Variants in NRXN3 observed in about 807,000 individuals in gnomAD.
NRXN3 encodes neurexin III.
Under a neutral mutation model 137.6 loss-of-function variants are expected in NRXN3, and 32 were observed. That is an observed-to-expected ratio of 0.23 (90% CI 0.18 to 0.31). The LOEUF is 0.31. Ranked by LOEUF, NRXN3 falls within the 10% of genes least tolerant of loss-of-function variation. NRXN3 has a pLI of 1.00. For synonymous variants in NRXN3, 798 were observed against 784.5 expected (o/e 1.02, Z -0.29); for missense variants, 1,574 against 2,062.5 (o/e 0.76, Z 4.59).
intron 10 of NRXN3, among the ~76,000 whole-genome samples, chr14:78,951,541 G>A (rs2099387108): frequency 7.2e-5 from 11 of 151,992 alleles, no homozygotes; most frequent in Admixed American, 7.2e-4. Context: ...ACCCCCAACT[G>A]CTTTTCATCG....
intron 4 of NRXN3, among the ~76,000 whole-genome samples, chr14:78,503,859 C>T (rs4903774): frequency 0.31 from 47,277 of 152,026 alleles, 8,585 homozygotes; most frequent in Admixed American, 0.39. Context: ...TCCCCTTTCA[C>T]TTGAAAGTGA....
At chr14:78,217,741 A>G in intron 1 of NRXN3, among the ~76,000 whole-genome samples, 1 of 152,194 alleles carries the variant, frequency 6.6e-6, no homozygotes, top group East Asian at 1.9e-4. Context: ...GGCTCACTGC[A>G]AACTCCACCT....
intron 16 of NRXN3, among the ~76,000 whole-genome samples, chr14:79,629,816 TGTGTGTGTGC>T (rs1567714159): frequency 1.3e-5 from 1 of 76,814 alleles, no homozygotes; most frequent in Non-Finnish European, 2.4e-5. Context: ...TGTATGTGCG[TGTGTGTGTGC>T]GTGTGTGTGT....
At chr14:78,508,963 C>T (rs1251885877) in intron 4 of NRXN3, among the ~76,000 whole-genome samples, 1 of 152,126 alleles carries the variant, frequency 6.6e-6, no homozygotes, top group African/African-American at 2.4e-5. Flanking sequence ...GAATATTACT[C>T]TGTTATAGTC....
chr14:79,687,196 T>A (rs2098698800), intron 17 of NRXN3, among the ~76,000 whole-genome samples: 1 of 152,232 alleles, frequency 6.6e-6, no homozygotes, highest in African/African-American at 2.4e-5. Flanking sequence ...ACTTTATAAA[T>A]ACAAGATATT....
At chr14:79,180,126 T>G (rs929365448) in intron 15 of NRXN3, among the ~76,000 whole-genome samples, 1 of 152,212 alleles carries the variant, frequency 6.6e-6, no homozygotes, top group Non-Finnish European at 1.5e-5. Context: ...TGGGTTTTCT[T>G]TCAGGCTCAA....
Position 79,369,217 on chromosome 14 carries a change from G to A in NRXN3, c.3263-98004G>A, listed in dbSNP as rs149873727. On this transcript the variant is annotated intron_variant, in intron 15 of 20. Coordinates refer to ENST00000335750, the MANE Select transcript of NRXN3 (RefSeq NM_001330195.2). ...ATGGAACAAGCCTGGAGGCAAGGACGGGCCAGTCAGGAACAGGTGGGCTTA... is the reference window on the plus strand; with the variant it reads ...ATGGAACAAGCCTGGAGGCAAGGACAGGCCAGTCAGGAACAGGTGGGCTTA... Among the ~76,000 whole-genome samples the A allele has an allele frequency of 1.9e-3, 285 of 152,258 alleles. 1 individual carries two copies. Among genetic ancestry groups the A allele is most frequent in the African/African-American group, 6.6e-3 (275 of 41,540 alleles).
At chr14:78,685,358 A>G (rs532427077) in intron 6 of NRXN3, among the ~76,000 whole-genome samples, 4 of 152,120 alleles carry the variant, frequency 2.6e-5, no homozygotes, top group African/African-American at 7.2e-5. Flanking sequence ...GTGGCTTTCC[A>G]TCTTGCTCAG....
intron 4 of NRXN3, among the ~76,000 whole-genome samples, chr14:78,636,364 G>A (rs2097566819): frequency 6.6e-6 from 1 of 152,118 alleles, no homozygotes; most frequent in South Asian, 2.1e-4. Flanking sequence ...ACTGCCTAAA[G>A]GAGAACTCAC....
intron 15 of NRXN3, among the ~76,000 whole-genome samples, chr14:79,012,288 C>T (rs1307071776): frequency 3.3e-5 from 5 of 151,964 alleles, no homozygotes; most frequent in Non-Finnish European, 4.4e-5. Context: ...GTGGGGTGGC[C>T]TGGAAGAACA....
intron 10 of NRXN3, among the ~76,000 whole-genome samples, chr14:78,900,565 T>C (rs1203698653): frequency 6.6e-6 from 1 of 151,846 alleles, no homozygotes; most frequent in Admixed American, 6.6e-5. Flanking sequence ...AGGGTGTCCA[T>C]AAAGTCTGGG....
intron 20 of NRXN3, among the ~76,000 whole-genome samples, chr14:79,838,329 G>A (rs543005353): frequency 6.6e-6 from 1 of 152,310 alleles, no homozygotes; most frequent in South Asian, 2.1e-4. Context: ...TCCCAGGGAA[G>A]GACTGTGTGT....
At chr14:78,421,541 CTATT>C (rs928408530) in intron 4 of NRXN3, among the ~76,000 whole-genome samples, 44 of 152,120 alleles carry the variant, frequency 2.9e-4, no homozygotes, top group African/African-American at 9.9e-4. Flanking sequence ...AAAATGGAGA[CTATT>C]TCTTTCTTTA....
intron 4 of NRXN3, among the ~76,000 whole-genome samples, chr14:78,455,145 C>A (rs931084926): frequency 3.9e-5 from 6 of 152,296 alleles, no homozygotes; most frequent in African/African-American, 1.4e-4. Context: ...TCTGGAGAGA[C>A]CATCAAGTGT....
At chr14:79,231,988 C>T (rs1386208226) in intron 15 of NRXN3, among the ~76,000 whole-genome samples, 1 of 152,002 alleles carries the variant, frequency 6.6e-6, no homozygotes, top group Non-Finnish European at 1.5e-5. Context: ...TTTTAACTTG[C>T]TACTACTTTA....
chr14:79,298,010 G>T (rs528179454), intron 15 of NRXN3, among the ~76,000 whole-genome samples: 1 of 151,986 alleles, frequency 6.6e-6, no homozygotes, highest in East Asian at 1.9e-4. Flanking sequence ...ACATTTCCCA[G>T]TCCATGTAGT....
chr14:79,511,882 T>C (rs921306985), intron 16 of NRXN3, among the ~76,000 whole-genome samples: 1 of 152,198 alleles, frequency 6.6e-6, no homozygotes, highest in Non-Finnish European at 1.5e-5. Flanking sequence ...AAAAAGCTTG[T>C]AATCAATATT....
chr14:78,888,839 T>TCACACATACACACA (rs2099150830), intron 10 of NRXN3, among the ~76,000 whole-genome samples: 1 of 131,822 alleles, frequency 7.6e-6, no homozygotes. Context: ...GGGAGAGTAA[T>TCACACATACACACA]CACACACATA....
intron 16 of NRXN3, among the ~76,000 whole-genome samples, chr14:79,503,545 T>G (rs751774333): frequency 2.0e-5 from 3 of 152,170 alleles, no homozygotes; most frequent in Non-Finnish European, 4.4e-5. Context: ...TAGATTAGTC[T>G]TTTAAGACCT....
Sources: allele counts gnomAD v4.1 joint callset (sites outside exome capture counted in the v4.1 genomes callset), GRCh38; gene constraint gnomAD v4.1.1; transcripts MANE v1.5; gene names NCBI Gene and HGNC (gene_info 2026-07-23, HGNC 2026-07-21).